LAMA1: variants seen among roughly 807,000 people sequenced by gnomAD.
LAMA1 encodes the protein laminin subunit alpha-1.
A neutral mutation model predicts 348.7 loss-of-function variants in LAMA1; 219 were observed. The ratio of observed to expected loss-of-function variants is 0.63; its 90% CI spans 0.56 to 0.70. LAMA1 has a LOEUF of 0.70. Ranked by LOEUF, LAMA1 falls within the 30% of genes least tolerant of loss-of-function variation. The pLI is 0.00. For missense variants in LAMA1, 3,744 were observed against 3,888.0 expected, an observed-to-expected ratio of 0.96 and a Z score of 0.99; for synonymous variants, 1,487 against 1,491.0, an observed-to-expected ratio of 1.00 and a Z score of 0.06.
chr18:6,969,953 ACAG>A (rs2057650790), intron 48 of LAMA1, among the ~76,000 whole-genome samples: 1 of 152,232 alleles, frequency 6.6e-6, no homozygotes, highest in Non-Finnish European at 1.5e-5. Flanking sequence ...GGATATGGTC[ACAG>A]GTAAAGTAGG....
chr18:6,989,094 G>A (rs940343607), intron 36 of LAMA1, among the ~76,000 whole-genome samples: 6 of 152,116 alleles, frequency 3.9e-5, no homozygotes, highest in Non-Finnish European at 2.9e-5. Flanking sequence ...TATGTGCTAG[G>A]CAGAGGGTGC....
chr18:7,075,362 C>T (rs2058163234), intron 3 of LAMA1, among the ~76,000 whole-genome samples: 1 of 152,106 alleles, frequency 6.6e-6, no homozygotes, highest in Non-Finnish European at 1.5e-5. Context: ...GTGGCTCACA[C>T]CTGTGATCCC....
chr18:6,979,703 T>C (rs1011025244), intron 42 of LAMA1, among the ~76,000 whole-genome samples: 2 of 152,096 alleles, frequency 1.3e-5, no homozygotes, highest in African/African-American at 2.4e-5. Context: ...ATCGAGACCA[T>C]CCTGGCTAAC....
Position 7,021,174 on chromosome 18 carries a change from A to G in LAMA1, c.2701+1990T>C, listed in dbSNP as rs573302079. Among the ~76,000 whole-genome samples the G allele has an allele frequency of 5.9e-5, 9 of 152,144 alleles. No individual in the cohort carries two copies. The South Asian group carries it at 1.9e-3, about 32-fold the overall frequency. ...CCCATCCTTCAGGTCTCAGATGAACAGCACCCCCTTCAGGAGGCAGCCCGG... is the reference window on the plus strand; with the variant it reads ...CCCATCCTTCAGGTCTCAGATGAACGGCACCCCCTTCAGGAGGCAGCCCGG... On this transcript the variant is annotated intron_variant, in intron 19 of 62. Transcript: ENST00000389658.
At chr18:6,965,824 T>C (rs112143640) in intron 49 of LAMA1, 5,450 of 409,118 alleles carry the variant, frequency 0.013, 255 homozygotes, top group African/African-American at 0.1. Flanking sequence ...GTCACGGTGG[T>C]CACAGTGAAC....
At chr18:7,046,185 C>T in intron 6 of LAMA1, 93 bp downstream of exon 6, 2 of 828,578 alleles carry the variant, frequency 2.4e-6, no homozygotes, top group Non-Finnish European at 4.1e-6. Flanking sequence ...TTATACCTTT[C>T]ATGTTTGTTT....
intron 19 of LAMA1, among the ~76,000 whole-genome samples, chr18:7,021,410 A>G (rs560706046): frequency 6.6e-6 from 1 of 152,332 alleles, no homozygotes; most frequent in East Asian, 1.9e-4. Context: ...GGATGCCAAT[A>G]TTAAAGAAAA....
chr18:7,111,692 A>G (rs1415595645), intron 1 of LAMA1, among the ~76,000 whole-genome samples: 1 of 152,226 alleles, frequency 6.6e-6, no homozygotes, highest in Non-Finnish European at 1.5e-5. Flanking sequence ...TCAATTGTCC[A>G]TGGATGCATA....
At chr18:7,039,063 G>T in intron 10 of LAMA1, 113 bp from the exon 11 acceptor site, 1 of 880,004 alleles carries the variant, frequency 1.1e-6, no homozygotes, top group Non-Finnish European at 1.9e-6. Context: ...GTGAATAAAC[G>T]TCCAAAGTAA....
intron 25 of LAMA1, among the ~76,000 whole-genome samples, chr18:7,011,089 C>T (rs949991985): frequency 1.3e-5 from 2 of 152,088 alleles, no homozygotes; most frequent in African/African-American, 4.8e-5. Flanking sequence ...ATAACGTGAA[C>T]TTAAAAAACT....
At chr18:7,057,471 CT>C (rs552843703) in intron 3 of LAMA1, among the ~76,000 whole-genome samples, 2,408 of 90,718 alleles carry the variant, frequency 0.027, 10 homozygotes, top group African/African-American at 0.068. Context: ...CTTTTCTTTT[CT>C]TTTTTTTTTT....
chr18:6,966,340 G>T (rs2144018756), intron 48 of LAMA1, 43 bp from the exon 49 acceptor site: 1 of 1,584,356 alleles, frequency 6.3e-7, no homozygotes, highest in East Asian at 2.2e-5. Context: ...TCTCAGGAGG[G>T]TAGAAAGAAC....
intron 1 of LAMA1, among the ~76,000 whole-genome samples, chr18:7,087,963 A>G (rs1295712210): frequency 6.6e-6 from 1 of 152,208 alleles, no homozygotes; most frequent in Non-Finnish European, 1.5e-5. Context: ...GGGTATCACT[A>G]AGTTTCCTCA....
Position 6,941,918 on chromosome 18 carries a change from G to A in LAMA1, c.*161C>T. 5.0e-6 allele frequency: 4 copies of A among 801,098 alleles called. No homozygotes were observed. Among genetic ancestry groups the A allele is most frequent in the Non-Finnish European group, 2.1e-6 (1 of 471,628 alleles). The allele number at this position is 801,098 out of a possible 1,614,324, so 49.6% of individuals were successfully genotyped here. A position where few individuals can be genotyped will look rare whatever the true frequency, so the allele number is the denominator to read the frequency against. The stretch of plus-strand genomic sequence containing the variant: ...TTTAGACCATTTAATGGAGGTATTT[G>A]TTGCACATGTGGTTTTAGTGTAACG... On this transcript the variant is annotated 3_prime_UTR_variant, in exon 63 of 63. Coordinates refer to ENST00000389658, the MANE Select transcript of LAMA1 (RefSeq NM_005559.4).
chr18:7,057,651 A>T (rs1598300429), intron 3 of LAMA1, among the ~76,000 whole-genome samples: 1 of 147,058 alleles, frequency 6.8e-6, no homozygotes, highest in Admixed American at 6.8e-5. Context: ...ATTTTTTTCA[A>T]TTTTCTTCAT....
chr18:6,959,021 C>T (rs570310750), intron 54 of LAMA1, among the ~76,000 whole-genome samples: 2 of 151,972 alleles, frequency 1.3e-5, no homozygotes, highest in Non-Finnish European at 2.9e-5. Context: ...TGATATAATG[C>T]TATTTACTAT....
Position 7,036,055 on chromosome 18 carries a change from C to T in LAMA1, c.1771G>A (p.Val591Met), listed in dbSNP as rs954888376. 1.2e-6 allele frequency: 2 copies of T among 1,614,138 alleles called. No homozygotes were observed. The highest frequency in any genetic ancestry group is 3.3e-4 in the Middle Eastern group (2 of 6,062). ...GTCTCTACCGGAATATCGTAGGACA[C>T]CGTGTATTTCAGGAATCCGCCAAAC... ...TAFGGFLKYT[V>M]SYDIPVETVD... The change falls in exon 13 of 63, where the codon GTG (valine) becomes ATG (methionine). Residue 591 changes from valine (V) to methionine (M), a missense_variant. Physicochemically the swap from Val to Met is conservative, Grantham distance 21 (BLOSUM62 1). Coordinates refer to ENST00000389658, the MANE Select transcript of LAMA1 (RefSeq NM_005559.4).
At chr18:6,972,174 T>A (rs895207931) in intron 47 of LAMA1, 193 bp from the exon 48 acceptor site, 33 of 591,928 alleles carry the variant, frequency 5.6e-5, no homozygotes, top group Non-Finnish European at 9.0e-5. Context: ...CTAGAATGAG[T>A]AACAACTGGG....
chr18:7,012,037 C>G lies in LAMA1; in HGVS notation c.3465G>C (p.Leu1155=). The G allele has an allele frequency of 6.2e-7, 1 of 1,610,754 alleles. No homozygotes were observed. Among genetic ancestry groups the G allele is most frequent in the Non-Finnish European group, 8.5e-7 (1 of 1,178,330 alleles). Residue 1155 remains leucine (L), a synonymous_variant, in exon 24 of 63, where the codon CTG becomes CTC. Transcript: ENST00000389658. ...LGCSPCFCSG[L]SHLCSELEDY... ...CCTCCAGCTCTGAGCAGAGGTGGGACAGCCCGGAGCAGAAGCACGGGCTGC... is the reference window on the plus strand; with the variant it reads ...CCTCCAGCTCTGAGCAGAGGTGGGAGAGCCCGGAGCAGAAGCACGGGCTGC...
Sources: gnomAD v4.1 joint callset for allele counts (sites outside exome capture counted in the v4.1 genomes callset) on GRCh38, gnomAD v4.1.1 for gene constraint, MANE v1.5 for transcripts, NCBI Gene and HGNC (gene_info 2026-07-23, HGNC 2026-07-21) for gene names.